Variants in MICAL3 observed in about 807,000 individuals in gnomAD.
MICAL3 encodes [F-actin]-monooxygenase MICAL3.
A neutral mutation model predicts 207.4 loss-of-function variants in MICAL3; 62 were observed. That is an observed-to-expected ratio of 0.30 (90% CI 0.24 to 0.37). The LOEUF is 0.37. Among genes scored for constraint, MICAL3 ranks in the 10% least tolerant of loss-of-function variants. The pLI, the probability that MICAL3 is intolerant of heterozygous loss-of-function variation, is 1.00. For missense variants in MICAL3, 2,368 were observed against 2,635.6 expected (o/e 0.90, Z 2.22); for synonymous variants, 1,077 against 1,069.3 (o/e 1.01, Z -0.14).
chr22:17,887,001 AAAAAAAAAAAAAAAAG>A (rs1929962236), intron 15 of MICAL3, among the ~76,000 whole-genome samples, 153 bp downstream of exon 15: 1 of 145,440 alleles, frequency 6.9e-6, no homozygotes, highest in African/African-American at 2.7e-5. Context: ...AAAAAAAAAA[AAAAAAAAAAAAAAAAG>A]AAAATAAAAA....
intron 19 of MICAL3, chr22:17,861,068 G>A: frequency 4.1e-6 from 4 of 985,436 alleles, no homozygotes; most frequent in Non-Finnish European, 4.8e-6. Flanking sequence ...TGGGAGGTAA[G>A]CTGGATTGTA....
In MICAL3 at chr22:17,932,932, A is replaced by G. The variant is rs1407256136; in HGVS notation, c.-74-26046T>C. Among the ~76,000 whole-genome samples the G allele has an allele frequency of 3.9e-5, 6 of 152,260 alleles. No individual in the cohort carries two copies. The South Asian group carries it at 1.2e-3, about 31-fold the overall frequency. ...ACAAGAAGAGTTAACTATCCTAAAT[A>G]TACATGCACCCAATACAGGAGCACC... On this transcript the variant is annotated intron_variant, in intron 1 of 31. Coordinates refer to ENST00000441493, the MANE Select transcript of MICAL3 (RefSeq NM_015241.3).
intron 7 of MICAL3, chr22:17,899,200 A>T (rs1485427042): frequency 1.8e-6 from 1 of 542,860 alleles, no homozygotes; most frequent in East Asian, 3.5e-5. Flanking sequence ...CGTGTTGAGA[A>T]CTGTGAAAGC....
At chr22:17,956,834 C>T (rs1002004412) in intron 1 of MICAL3, among the ~76,000 whole-genome samples, 3 of 152,140 alleles carry the variant, frequency 2.0e-5, no homozygotes, top group Non-Finnish European at 4.4e-5. Flanking sequence ...AGTCAGACAC[C>T]AACTGGAGAA....
At chr22:17,887,615 T>C (rs541487986) in intron 13 of MICAL3, among the ~76,000 whole-genome samples, 180 bp from the exon 14 acceptor site, 1 of 152,310 alleles carries the variant, frequency 6.6e-6, no homozygotes, top group Admixed American at 6.5e-5. Context: ...CATACTTGGG[T>C]ATGGACATTG....
intron 27 of MICAL3, chr22:17,815,447 G>A (rs541179041): frequency 1.3e-5 from 2 of 152,408 alleles, no homozygotes; most frequent in African/African-American, 4.8e-5. Flanking sequence ...ACCCCCTAAA[G>A]CAGCACCCAT....
rs1477373659 is a variant in MICAL3 at position 17,819,029 on chromosome 22, T to A, written c.3632A>T (p.Asp1211Val). 1 of 1,605,346 alleles carries A rather than the reference T, an allele frequency of 6.2e-7. No individual in the cohort carries two copies. Among genetic ancestry groups the A allele is most frequent in the African/African-American group, 1.3e-5 (1 of 74,668 alleles). ...PLLPKEKPKADAPSDLKAVHS... is the reference protein window; with the variant it reads ...PLLPKEKPKAVAPSDLKAVHS... Reference sequence around the variant, plus strand: ...CACAGCTTTCAGATCCGAGGGGGCATCAGCTTTGGGCTTCTCTTTGGGGAG... The same window carrying A: ...CACAGCTTTCAGATCCGAGGGGGCAACAGCTTTGGGCTTCTCTTTGGGGAG... The change falls in exon 26 of 32, where the codon GAT becomes GTT. Residue 1211 changes from aspartate (D) to valine (V), a missense_variant. Around this residue, in one of 4 missense-constraint regions of MICAL3, gnomAD observed 1,770 missense variants for 1,863.2 expected, o/e 0.95. Coordinates refer to ENST00000441493, the MANE Select transcript of MICAL3 (RefSeq NM_015241.3).
At chr22:17,811,843 C>T (rs1021953164) in intron 27 of MICAL3, among the ~76,000 whole-genome samples, 5 of 152,206 alleles carry the variant, frequency 3.3e-5, no homozygotes, top group African/African-American at 1.2e-4. Flanking sequence ...CTCCTGGACT[C>T]ACGTGATCCT....
chr22:17,851,188 C>T (rs902733108), intron 19 of MICAL3, among the ~76,000 whole-genome samples: 11 of 152,210 alleles, frequency 7.2e-5, no homozygotes, highest in African/African-American at 2.7e-4. Flanking sequence ...AAATACGTGG[C>T]TCGTGAACCG....
At chr22:17,878,633 C>CGCTAGCTGCAGAGCTGTACCCACTT in intron 16 of MICAL3, among the ~76,000 whole-genome samples, 1 of 152,250 alleles carries the variant, frequency 6.6e-6, no homozygotes, top group East Asian at 1.9e-4. Context: ...TGATTCTTCC[C>CGCTAGCTGCAGAGCTGTACCCACTT]GCTAGCTGCA....
At chr22:17,844,048 A>G (rs1469725365) in intron 19 of MICAL3, among the ~76,000 whole-genome samples, 8 of 152,154 alleles carry the variant, frequency 5.3e-5, no homozygotes, top group South Asian at 2.1e-4. Context: ...GGGTTTCACC[A>G]TGTTAGCCAG....
rs1459380173 is a variant in MICAL3, at chr22:18,019,012, C to T, written c.-75+5269G>A. Among the ~76,000 whole-genome samples the T allele has an allele frequency of 2.6e-5, 4 of 152,060 alleles. No individual in the cohort carries two copies. The East Asian group carries it at 5.8e-4, about 22-fold the overall frequency. On this transcript the variant is annotated intron_variant, in intron 1 of 31. Transcript: ENST00000441493. ...TTGGAGGCCAGCCTGGAGAACATGG[C>T]GAAACCCTGTCTGTACAAAAAAATA...
intron 17 of MICAL3, among the ~76,000 whole-genome samples, chr22:17,869,412 C>T (rs537991896): frequency 6.6e-6 from 1 of 152,166 alleles, no homozygotes; most frequent in African/African-American, 2.4e-5. Context: ...TCATCACTGA[C>T]GAGGGCCACC....
rs1235380602 is a variant in MICAL3, at chr22:17,902,444, C to T, written c.589+187G>A. On this transcript the variant is annotated intron_variant, in intron 4 of 31. Transcript: ENST00000441493. The surrounding 1 kb of genome is among the most constrained non-coding windows in gnomAD (Gnocchi z 4.5). Reference sequence around the variant, plus strand: ...GGAAAGAAGCCTTGCAGAGGGCTCACGGGGCCCTTCCCACCACATGTGCGC... The same window carrying T: ...GGAAAGAAGCCTTGCAGAGGGCTCATGGGGCCCTTCCCACCACATGTGCGC... Among the ~76,000 whole-genome samples, 3 of 152,164 alleles carry T rather than the reference C, an allele frequency of 2.0e-5. No homozygotes were observed. Among genetic ancestry groups the T allele is most frequent in the Non-Finnish European group, 4.4e-5 (3 of 68,020 alleles).
intron 19 of MICAL3, among the ~76,000 whole-genome samples, chr22:17,848,370 G>A (rs188453310): frequency 2.1e-3 from 313 of 152,338 alleles, no homozygotes; most frequent in Non-Finnish European, 3.2e-3. Context: ...ACTGGGAAAC[G>A]GGGATGACAC....
At chr22:17,956,258 T>G (rs1934608317) in intron 1 of MICAL3, among the ~76,000 whole-genome samples, 1 of 152,114 alleles carries the variant, frequency 6.6e-6, no homozygotes, top group African/African-American at 2.4e-5. Context: ...CATGTCAAGA[T>G]CACAACTTCC....
At chr22:18,000,341 A>T (rs1490611692) in intron 1 of MICAL3, among the ~76,000 whole-genome samples, 1 of 152,238 alleles carries the variant, frequency 6.6e-6, no homozygotes, top group East Asian at 1.9e-4. Flanking sequence ...CATCTGCATT[A>T]AACACCATTA....
Position 17,812,566 on chromosome 22 carries a change from C to T in MICAL3, c.5446-1753G>A, listed in dbSNP as rs9617620. 2.5e-3 allele frequency: 2,468 copies of T among 984,064 alleles called. 53 individuals are homozygous for T. The African/African-American group carries it at 0.04, about 16-fold the overall frequency. The allele number at this position is 984,064 out of a possible 1,614,324, so 61.0% of individuals were successfully genotyped here. A position where few individuals can be genotyped will look rare whatever the true frequency, so the allele number is the denominator to read the frequency against. On this transcript the variant is annotated intron_variant, in intron 27 of 31. Transcript: ENST00000441493. The stretch of plus-strand genomic sequence containing the variant: ...TGTGGTACATAAATTGACTTTTAAG[C>T]GGATGGCATCAGAAAACAAAACAGA...
chr22:17,893,651 A>G (rs974515281), intron 11 of MICAL3, among the ~76,000 whole-genome samples, 157 bp downstream of exon 11: 1 of 152,160 alleles, frequency 6.6e-6, no homozygotes, highest in African/African-American at 2.4e-5. Flanking sequence ...ACAACTACCA[A>G]GTATCCCCTG....
Sources: gnomAD v4.1 joint callset for allele counts (sites outside exome capture counted in the v4.1 genomes callset) on GRCh38, gnomAD v4.1.1 for gene constraint, gnomAD v4.1.1 regional missense constraint, Gnocchi (gnomAD v3.1) non-coding constraint, MANE v1.5 for transcripts, NCBI Gene and HGNC (gene_info 2026-07-23, HGNC 2026-07-21) for gene names.